NIT1: variants seen among roughly 807,000 people sequenced by gnomAD.
NIT1 encodes deaminated glutathione amidase.
Under a neutral mutation model 36.8 loss-of-function variants are expected in NIT1, and 30 were observed. That is an observed-to-expected ratio of 0.82 (90% confidence interval 0.61 to 1.11). The LOEUF (loss-of-function observed/expected upper bound fraction) is 1.11, where lower values mean the gene tolerates loss of function less well. Ranked by LOEUF, NIT1 falls within the 50% of genes least tolerant of loss-of-function variation. The probability of loss-of-function intolerance (pLI) is 0.00; values close to 1 mark genes in which losing one functional copy is unlikely to be tolerated. For synonymous variants in NIT1, 151 were observed against 155.6 expected (o/e 0.97, Z 0.22); for missense variants, 438 against 410.6 (o/e 1.07, Z -0.58).
At chr1:161,119,781 A>C in intron 4 of NIT1, 38 bp from the exon 5 acceptor site, 2 of 1,577,434 alleles carry the variant, frequency 1.3e-6, no homozygotes, top group African/African-American at 2.7e-5. Context: ...CAAGGCTTCT[A>C]GAACACCAGC....
rs1474556576 is a variant in NIT1 at position 161,118,225 on chromosome 1, G to T, written c.2+47G>T. 5 of 1,613,956 alleles carry T rather than the reference G, an allele frequency of 3.1e-6. No homozygotes were observed. In the Admixed American group the frequency reaches 8.3e-5, roughly 27 times the overall value. ...GTCGGCCGCGGTGAATCCCACCTGC[G>T]GTGCTTTAACTTGTGTAACAGAGAT... On this transcript the variant is annotated intron_variant, in intron 1 of 6. Coordinates refer to ENST00000368009, the MANE Select transcript of NIT1 (RefSeq NM_005600.3).
chr1:161,122,314 T>C (rs765135748), downstream of NIT1: 8 of 1,614,078 alleles, frequency 5.0e-6, no homozygotes, highest in Non-Finnish European at 2.5e-6. The surrounding 1 kb of genome is among the most constrained non-coding windows in gnomAD (Gnocchi z 4.2). Context: ...GAGCCATTGA[T>C]GTAGTCACGC....
At chr1:161,122,474 C>G, downstream of NIT1, 1 of 1,614,172 alleles carries the variant, frequency 6.2e-7, no homozygotes, top group East Asian at 2.2e-5. This position sits in a 1 kb window ranked among gnomAD's most constrained non-coding sequence, Gnocchi z 4.2. Context: ...CATTGCCCTG[C>G]AGAGCAGTCT....
At chr1:161,123,337 G>A (rs1435698484), downstream of NIT1, 2 of 1,078,752 alleles carry the variant, frequency 1.9e-6, no homozygotes, top group Admixed American at 4.5e-5. Flanking sequence ...GTGGAAAAAT[G>A]TGACTTGAAA....
At chr1:161,122,048 G>C, downstream of NIT1, 2 of 1,414,224 alleles carry the variant, frequency 1.4e-6, no homozygotes, top group Non-Finnish European at 9.5e-7. The surrounding 1 kb of genome is among the most constrained non-coding windows in gnomAD (Gnocchi z 4.2). Context: ...AAAAGGCAGG[G>C]GTGTGATTGG....
intron 6 of NIT1, 98 bp from the exon 7 acceptor site, chr1:161,120,401 A>G (rs925753191): frequency 1.4e-6 from 2 of 1,469,246 alleles, no homozygotes; most frequent in African/African-American, 1.4e-5. Context: ...CAATTACCAA[A>G]ATAGTCACAA....
chr1:161,121,189 C>T lies in NIT1; in HGVS notation c.*424C>T, dbSNP rs1347858734. 1.9e-6 allele frequency: 2 copies of T among 1,038,762 alleles called. No individual in the cohort carries two copies. The highest frequency in any genetic ancestry group is 1.2e-6 in the Non-Finnish European group (1 of 861,048). The allele number at this position is 1,038,762 out of a possible 1,614,324, so 64.3% of individuals were successfully genotyped here. The stretch of plus-strand genomic sequence containing the variant: ...CCTCCCTACCTAAATAAAAGTGCAA[C>T]ACTCAGTGCATGTCCCAGCCCCATT... On this transcript the variant is annotated 3_prime_UTR_variant, in exon 7 of 7. Transcript: ENST00000368009.
downstream of NIT1, among the ~76,000 whole-genome samples, chr1:161,123,435 C>T (rs926314668): frequency 6.6e-6 from 1 of 151,970 alleles, no homozygotes; most frequent in Non-Finnish European, 1.5e-5. Context: ...GTCAGGAGAT[C>T]GAGACCATCC....
chr1:161,121,742 A>T (rs998280227), downstream of NIT1: 1 of 165,402 alleles, frequency 6.0e-6, no homozygotes, highest in East Asian at 1.6e-4. Flanking sequence ...CCTTACTCAC[A>T]GCCCTTTGGT....
At chr1:161,124,471 C>G (rs758120977), downstream of NIT1, 1 of 1,593,392 alleles carries the variant, frequency 6.3e-7, no homozygotes, top group South Asian at 1.1e-5. Context: ...ATGCTGGGGG[C>G]TCAGGTACGC....
At chr1:161,122,133 G>T, downstream of NIT1, 1 of 1,611,294 alleles carries the variant, frequency 6.2e-7, no homozygotes, top group Non-Finnish European at 8.5e-7. The surrounding 1 kb of genome is among the most constrained non-coding windows in gnomAD (Gnocchi z 4.2). Context: ...CCCAAAGTGA[G>T]AAGAGGGAAT....
chr1:161,123,861 C>G (rs75250474), downstream of NIT1: 366 of 1,613,854 alleles, frequency 2.3e-4, 1 homozygote, highest in African/African-American at 4.3e-3. Flanking sequence ...GCTGGGGAGG[C>G]CTTGGTTCTG....
At chr1:161,124,484 T>A (rs771530481), downstream of NIT1, 66 of 1,583,200 alleles carry the variant, frequency 4.2e-5, no homozygotes, top group South Asian at 7.4e-4. Context: ...AGGTACGCAA[T>A]GCTTTCCAGA....
At position 161,118,621 on chromosome 1, in the gene NIT1, G is replaced by A; in HGVS notation, c.3-165G>A. ...CCTTTCTCCATCTTCCCACTGTATGGTCTTGTCCCTTAGCCTATAATTTCT... is the reference window on the plus strand; with the variant it reads ...CCTTTCTCCATCTTCCCACTGTATGATCTTGTCCCTTAGCCTATAATTTCT... On this transcript the variant is annotated intron_variant, in intron 1 of 6. Transcript: ENST00000368009. 2.0e-6 allele frequency: 3 copies of A among 1,531,144 alleles called. No individual in the cohort carries two copies. The African/African-American group carries it at 4.1e-5, about 21-fold the overall frequency. 94.8% of individuals were successfully genotyped at this position (1,531,144 alleles called of 1,614,324 possible). A position where few individuals can be genotyped will look rare whatever the true frequency, so the allele number is the denominator to read the frequency against.
At chr1:161,122,505 C>T (rs764189610), downstream of NIT1, 2 of 1,613,680 alleles carry the variant, frequency 1.2e-6, no homozygotes, top group Non-Finnish European at 1.7e-6. The surrounding 1 kb of genome is among the most constrained non-coding windows in gnomAD (Gnocchi z 4.2). Flanking sequence ...GTATTCAGCC[C>T]GAACCCGCAG....
At chr1:161,120,361 G>T in intron 6 of NIT1, 129 bp downstream of exon 6, 2 of 1,462,274 alleles carry the variant, frequency 1.4e-6, no homozygotes, top group Non-Finnish European at 1.9e-6. Context: ...TTTCTCTCAT[G>T]AATAGTTAAA....
chr1:161,118,792 C>G lies in NIT1; in HGVS notation c.9C>G (p.Gly3=), dbSNP rs1655098435. The change falls in exon 2 of 7, where the codon GGC becomes GGG. Residue 3 remains glycine, a synonymous_variant. Transcript: ENST00000368009. ML[G]FITRPPHRFL... The stretch of plus-strand genomic sequence containing the variant: ...CATATCTCACCTTCCTCAGGCTGGG[C>G]TTCATCACCAGGCCTCCTCACAGAT... 1 of 1,612,646 alleles carries G rather than the reference C, an allele frequency of 6.2e-7. No homozygotes were observed. Among genetic ancestry groups the G allele is most frequent in the Admixed American group, 1.7e-5 (1 of 59,990 alleles).
chr1:161,120,642 G>A lies in NIT1; in HGVS notation c.861G>A (p.Glu287=), dbSNP rs768762045. 5.0e-6 allele frequency: 8 copies of A among 1,614,080 alleles called. No individual in the cohort carries two copies. The highest frequency in any genetic ancestry group is 6.8e-6 in the Non-Finnish European group (8 of 1,180,046). The change falls in exon 7 of 7, where the codon GAG becomes GAA. Residue 287 remains glutamate, a synonymous_variant. Coordinates refer to ENST00000368009, the MANE Select transcript of NIT1 (RefSeq NM_005600.3). The part of the protein sequence containing the change: ...PWGTVVARCS[E]GPGLCLARID... ...GAACAGTGGTGGCCCGCTGCTCTGA[G>A]GGGCCAGGCCTCTGCCTTGCCCGAA...
Position 161,118,603 on chromosome 1 carries a change from C to T in NIT1, c.3-183C>T. 3 of 1,535,322 alleles carry T rather than the reference C, an allele frequency of 2.0e-6. No homozygotes were observed. In the East Asian group the frequency reaches 7.3e-5, roughly 38 times the overall value. On this transcript the variant is annotated intron_variant, in intron 1 of 6. Coordinates refer to ENST00000368009, the MANE Select transcript of NIT1 (RefSeq NM_005600.3). ...CAGGCGGCGAGCAGAGCCCCTTTCT[C>T]CATCTTCCCACTGTATGGTCTTGTC...
Sources: gnomAD v4.1 joint callset for allele counts (sites outside exome capture counted in the v4.1 genomes callset) on GRCh38, gnomAD v4.1.1 for gene constraint, Gnocchi (gnomAD v3.1) non-coding constraint, MANE v1.5 for transcripts, NCBI Gene and HGNC (gene_info 2026-07-23, HGNC 2026-07-21) for gene names.